The following VAMP4 variants were observed in gnomAD, a reference collection of about 807,000 sequenced individuals.
VAMP4 encodes the protein vesicle associated membrane protein 4, also known as vesicle-associated membrane protein 4.
A neutral mutation model predicts 23.5 loss-of-function variants in VAMP4; 19 were observed. That is an observed-to-expected ratio of 0.81 (90% confidence interval 0.56 to 1.19). VAMP4 has a LOEUF of 1.19. Ranked by LOEUF, VAMP4 falls within the 50% of genes most tolerant of loss-of-function variation. The pLI, the probability that VAMP4 is intolerant of heterozygous loss-of-function variation, is 0.00. For synonymous variants in VAMP4, 31 were observed against 51.0 expected (o/e 0.61, Z 1.67); for missense variants, 145 against 168.6 (o/e 0.86, Z 0.78).
chr1:171,714,445 T>A (rs569584681), intron 4 of VAMP4, among the ~76,000 whole-genome samples: 2 of 152,322 alleles, frequency 1.3e-5, no homozygotes, highest in South Asian at 2.1e-4. Context: ...TATTTTCAAA[T>A]CTGAATTAAA....
intron 6 of VAMP4, among the ~76,000 whole-genome samples, chr1:171,707,897 T>C (rs1267994247): frequency 1.3e-5 from 2 of 152,152 alleles, no homozygotes; most frequent in Non-Finnish European, 2.9e-5. Context: ...GACCATCTTT[T>C]TGTGGATACA....
At position 171,713,554 on chromosome 1, in the gene VAMP4, C is replaced by A. The variant is rs1238242357; in HGVS notation, c.165-2740G>T. On this transcript the variant is annotated intron_variant, in intron 4 of 7. Transcript: ENST00000236192. Reference sequence around the variant, plus strand: ...ATGGTCCCAGAATCTCTTTAAAGGCCAGGCCTGGTGGTTCATGCCTGTAAT... The same window carrying A: ...ATGGTCCCAGAATCTCTTTAAAGGCAAGGCCTGGTGGTTCATGCCTGTAAT... 3.9e-5 allele frequency among the ~76,000 whole-genome samples: 6 copies of A among 152,146 alleles called. No homozygotes were observed. In the East Asian group the frequency reaches 9.7e-4, roughly 24 times the overall value.
At chr1:171,724,228 C>G (rs901107422) in intron 3 of VAMP4, among the ~76,000 whole-genome samples, 1 of 150,312 alleles carries the variant, frequency 6.7e-6, no homozygotes, top group Non-Finnish European at 1.5e-5. Flanking sequence ...CAAAGACAGA[C>G]AACCAAACAC....
intron 3 of VAMP4, among the ~76,000 whole-genome samples, chr1:171,722,719 C>A (rs1345347204): frequency 6.6e-6 from 1 of 152,166 alleles, no homozygotes; most frequent in East Asian, 1.9e-4. Flanking sequence ...CCATCTCACA[C>A]CAGTTAGAAT....
At chr1:171,705,732 A>G (rs1430302523) in intron 7 of VAMP4, among the ~76,000 whole-genome samples, 1 of 152,148 alleles carries the variant, frequency 6.6e-6, no homozygotes, top group Non-Finnish European at 1.5e-5. Context: ...TCAAATGATT[A>G]TTTTTAGATA....
chr1:171,710,315 C>T (rs1654809227), intron 5 of VAMP4, among the ~76,000 whole-genome samples: 1 of 150,642 alleles, frequency 6.6e-6, no homozygotes, highest in Non-Finnish European at 1.5e-5. Flanking sequence ...GGTGTAATGA[C>T]TGAAAGTAAA....
At chr1:171,706,304 G>C in intron 7 of VAMP4, 63 bp downstream of exon 7, 1 of 1,481,768 alleles carries the variant, frequency 6.7e-7, no homozygotes, top group South Asian at 1.2e-5. Flanking sequence ...AAAATAAAAG[G>C]GAATTAAAAT....
At chr1:171,714,823 T>A (rs1654977121) in intron 4 of VAMP4, among the ~76,000 whole-genome samples, 1 of 152,140 alleles carries the variant, frequency 6.6e-6, no homozygotes, top group South Asian at 2.1e-4. Context: ...ATCATGAAGG[T>A]TATGAGCCTG....
chr1:171,706,540 A>G, intron 6 of VAMP4, 122 bp from the exon 7 acceptor site: 1 of 870,522 alleles, frequency 1.1e-6, no homozygotes, highest in Non-Finnish European at 1.7e-6. Flanking sequence ...TCTTAACTAC[A>G]AAACTGACAC....
At chr1:171,715,237 A>G (rs574265409) in intron 4 of VAMP4, among the ~76,000 whole-genome samples, 1 of 152,334 alleles carries the variant, frequency 6.6e-6, no homozygotes, top group South Asian at 2.1e-4. Flanking sequence ...TAGTTTCTGA[A>G]GGAAGGGTGG....
chr1:171,728,614 C>A, intron 2 of VAMP4, 44 bp from the exon 3 acceptor site: 1 of 1,531,638 alleles, frequency 6.5e-7, no homozygotes, highest in Non-Finnish European at 8.8e-7. Flanking sequence ...ATTCAGAGGG[C>A]TTATAAAATG....
rs1654383365 is a variant in VAMP4, at chr1:171,700,222, C to T, written c.*4284G>A. 1 of 152,146 alleles carries T rather than the reference C, an allele frequency of 6.6e-6. No homozygotes were observed. Among genetic ancestry groups the T allele is most frequent in the East Asian group, 1.9e-4 (1 of 5,194 alleles). The allele number at this position is 152,146 out of a possible 1,614,324, so 9.4% of individuals were successfully genotyped here. On this transcript the variant is annotated 3_prime_UTR_variant, in exon 8 of 8. Transcript: ENST00000236192. ...CTATGGAGGGGCTACAAATACACTT[C>T]TGATATTAACACAAAGGTCTAAACT...
chr1:171,719,662 GAT>G (rs1358501269), intron 3 of VAMP4, among the ~76,000 whole-genome samples: 2 of 151,972 alleles, frequency 1.3e-5, no homozygotes, highest in African/African-American at 4.8e-5. Flanking sequence ...GTGAACTGCC[GAT>G]TGACAAAGAT....
chr1:171,707,240 A>G (rs775925713), intron 6 of VAMP4, among the ~76,000 whole-genome samples: 20 of 152,328 alleles, frequency 1.3e-4, no homozygotes, highest in Admixed American at 4.6e-4. Context: ...CCACCTATGG[A>G]TAATTTTATT....
chr1:171,710,983 A>T (rs58683986), intron 4 of VAMP4, among the ~76,000 whole-genome samples, 169 bp from the exon 5 acceptor site: 2,248 of 152,188 alleles, frequency 0.015, 50 homozygotes, highest in African/African-American at 0.05. Flanking sequence ...GGGCTTCAGT[A>T]CTCAGATAAT....
In VAMP4 at chr1:171,728,552, C is replaced by G. The variant is rs771383257; in HGVS notation, c.85G>C (p.Asp29His). 1.9e-6 allele frequency: 3 copies of G among 1,553,420 alleles called. No homozygotes were observed. The South Asian group carries it at 3.7e-5, about 19-fold the overall frequency. ...KSERRNLLED[D>H]SDEEEDFFLR... Reference sequence around the variant, plus strand: ...AAAAAGTCCTCTTCTTCATCTGAATCATCTTCCAAAAGATTTCTCTGTCAA... The same window carrying G: ...AAAAAGTCCTCTTCTTCATCTGAATGATCTTCCAAAAGATTTCTCTGTCAA... Residue 29 changes from aspartate (D) to histidine (H), a missense_variant, in exon 3 of 8, where the codon GAT becomes CAT. By Grantham distance (81) the Asp-to-His change is moderately conservative (BLOSUM62 -1). Transcript: ENST00000236192.
At chr1:171,728,603 G>C in intron 2 of VAMP4, 33 bp from the exon 3 acceptor site, 1 of 1,545,534 alleles carries the variant, frequency 6.5e-7, no homozygotes, top group Non-Finnish European at 8.7e-7. Context: ...TGAGTTTTCA[G>C]ATTCAGAGGG....
chr1:171,708,698 T>TAAA (rs58332156), intron 6 of VAMP4, among the ~76,000 whole-genome samples: 1 of 131,666 alleles, frequency 7.6e-6, no homozygotes, highest in African/African-American at 2.8e-5. Context: ...CCGTCTCTAC[T>TAAA]AAAAAAAAAA....
chr1:171,705,122 C>T (rs965971082), intron 7 of VAMP4, among the ~76,000 whole-genome samples: 14 of 152,036 alleles, frequency 9.2e-5, no homozygotes, highest in African/African-American at 2.7e-4. Context: ...GGGTTAAGTT[C>T]CTGTGAGTCT....
Sources: allele counts gnomAD v4.1 joint callset (sites outside exome capture counted in the v4.1 genomes callset), GRCh38; gene constraint gnomAD v4.1.1; transcripts MANE v1.5; gene names NCBI Gene and HGNC (gene_info 2026-07-23, HGNC 2026-07-21).